The following COPRS variants were observed in gnomAD, a reference collection of about 807,000 sequenced individuals.
COPRS encodes the protein coordinator of PRMT5 and differentiation stimulator, also known as cooperator of PRMT5.
Under a neutral mutation model 19.9 loss-of-function variants are expected in COPRS, and 11 were observed. That is an observed-to-expected ratio of 0.55 (90% confidence interval 0.35 to 0.92). The LOEUF is 0.92. COPRS is among the 40% of genes least tolerant of loss of function. The probability of loss-of-function intolerance (pLI) is 0.01; values close to 1 mark genes in which losing one functional copy is unlikely to be tolerated. For synonymous variants in COPRS, 81 were observed against 82.7 expected, an observed-to-expected ratio of 0.98 and a Z score of 0.11; for missense variants, 225 against 229.9, an observed-to-expected ratio of 0.98 and a Z score of 0.14.
intron 2 of COPRS, chr17:31,856,427 T>C (rs193109233): frequency 2.0e-5 from 5 of 248,620 alleles, no homozygotes; most frequent in Admixed American, 1.8e-4. Flanking sequence ...TAATCACATA[T>C]GCATAATTTA....
rs562942713 is a variant in COPRS at position 31,858,459 on chromosome 17, G to A, written c.99+642C>T. 1.5e-5 allele frequency: 14 copies of A among 963,776 alleles called. No individual in the cohort carries two copies. In the African/African-American group the frequency reaches 2.3e-4, roughly 16 times the overall value. The allele number at this position is 963,776 out of a possible 1,614,324, so 59.7% of individuals were successfully genotyped here. On this transcript the variant is annotated intron_variant, in intron 1 of 3. Transcript: ENST00000302362. ...GGCACTATGCTAGGCTGTGCAAACA[G>A]CCCTAACAGAGGGTTCCTACCTTCA...
intron 2 of COPRS, among the ~76,000 whole-genome samples, chr17:31,855,286 C>T (rs1183196192): frequency 6.6e-6 from 1 of 151,864 alleles, no homozygotes; most frequent in East Asian, 1.9e-4. Flanking sequence ...CCAAGGAGGG[C>T]AGATCACGAG....
Position 31,859,175 on chromosome 17 carries a change from G to T in COPRS, c.25C>A (p.Gln9Lys). ...GACGGCTCCGCGGCCCCCTGCGCCTGGGCCCCGGCGGCCTGAAGGTCCATG... is the reference window on the plus strand; with the variant it reads ...GACGGCTCCGCGGCCCCCTGCGCCTTGGCCCCGGCGGCCTGAAGGTCCATG... MDLQAAGAQAQGAAEPSRG... is the reference protein window; with the variant it reads MDLQAAGAKAQGAAEPSRG... The change falls in exon 1 of 4, where the codon CAG becomes AAG. Residue 9 changes from glutamine to lysine, a missense_variant. Gln to Lys is a moderately conservative substitution (Grantham distance 53). Around this residue, in one of 3 missense-constraint regions of COPRS, gnomAD observed 51 missense variants for 39.2 expected, o/e 1.30. Transcript: ENST00000302362. 9.4e-7 allele frequency: 1 copy of T among 1,062,500 alleles called. No homozygotes were observed. The highest frequency in any genetic ancestry group is 1.1e-6 in the Non-Finnish European group (1 of 880,524). The allele number at this position is 1,062,500 out of a possible 1,614,324, so 65.8% of individuals were successfully genotyped here. A position where few individuals can be genotyped will look rare whatever the true frequency, so the allele number is the denominator to read the frequency against.
intron 2 of COPRS, 190 bp downstream of exon 2, chr17:31,856,609 A>C (rs1909362045): frequency 1.5e-6 from 1 of 651,426 alleles, no homozygotes; most frequent in East Asian, 2.8e-5. Flanking sequence ...TTTGAACATA[A>C]GAAAAGTTCA....
At chr17:31,855,868 T>C (rs1379163145) in intron 2 of COPRS, among the ~76,000 whole-genome samples, 2 of 150,366 alleles carry the variant, frequency 1.3e-5, no homozygotes, top group African/African-American at 4.9e-5. Context: ...TGGTGGCATA[T>C]GCCTGTAATC....
intron 1 of COPRS, among the ~76,000 whole-genome samples, chr17:31,857,983 AAGG>A (rs1001378027): frequency 6.6e-6 from 1 of 152,096 alleles, no homozygotes; most frequent in Admixed American, 6.6e-5. Context: ...ACTGCCGCCC[AAGG>A]AGAAGTCAGA....
intron 1 of COPRS, chr17:31,858,489 G>A: frequency 9.4e-6 from 7 of 746,552 alleles, no homozygotes; most frequent in Non-Finnish European, 1.1e-5. Flanking sequence ...CCTTCAAGCC[G>A]CTCAGCACCT....
chr17:31,858,973 G>A, intron 1 of COPRS, 128 bp downstream of exon 1: 1 of 1,364,884 alleles, frequency 7.3e-7, no homozygotes, highest in Non-Finnish European at 9.4e-7. Context: ...AGCGCTCCGT[G>A]TCGCGGGGCG....
At chr17:31,858,676 G>A in intron 1 of COPRS, 1 of 1,385,086 alleles carries the variant, frequency 7.2e-7, no homozygotes, top group South Asian at 1.2e-5. Flanking sequence ...GACATCTGGG[G>A]CTCAGGGTTA....
At chr17:31,858,646 A>G in intron 1 of COPRS, 1 of 1,172,006 alleles carries the variant, frequency 8.5e-7, no homozygotes, top group Non-Finnish European at 1.2e-6. Flanking sequence ...TTCAGTAAGG[A>G]GAAGGGGGAG....
intron 2 of COPRS, 104 bp from the exon 3 acceptor site, chr17:31,853,134 GCA>G (rs1198680667): frequency 6.3e-6 from 5 of 792,786 alleles, no homozygotes; most frequent in South Asian, 1.5e-5. Context: ...TAAAACAAGT[GCA>G]CAGAGTCTTC....
intron 1 of COPRS, chr17:31,858,278 C>A (rs1909423278): frequency 1.3e-6 from 1 of 756,188 alleles, no homozygotes; most frequent in Non-Finnish European, 1.6e-6. Context: ...CACCTTGATC[C>A]TTTCCTGCTA....
Position 31,855,494 on chromosome 17 carries a change from G to A in COPRS, c.166+1305C>T, listed in dbSNP as rs574858882. Among the ~76,000 whole-genome samples the A allele has an allele frequency of 1.2e-3, 185 of 150,502 alleles. 1 individual carries two copies. Among genetic ancestry groups the A allele is most frequent in the African/African-American group, 4.4e-3 (177 of 40,372 alleles). ...TGCCTGGGAGACAGAGCGAGACTCC[G>A]TCTCAAAAAATAAATAAATAAATAA... On this transcript the variant is annotated intron_variant, in intron 2 of 3. Transcript: ENST00000302362.
At position 31,853,160 on chromosome 17, in the gene COPRS, C is replaced by G. The variant is rs190570677; in HGVS notation, c.167-130G>C. On this transcript the variant is annotated intron_variant, in intron 2 of 3. Coordinates refer to ENST00000302362, the MANE Select transcript of COPRS (RefSeq NM_018405.4). Reference sequence around the variant, plus strand: ...CACAGAGTCTTCTTTAGCCACCGAGCACTTTTTTAAAAATGCACTTCTTTG... The same window carrying G: ...CACAGAGTCTTCTTTAGCCACCGAGGACTTTTTTAAAAATGCACTTCTTTG... The G allele has an allele frequency of 1.0e-3, 727 of 705,704 alleles. 3 individuals carry two copies. The highest frequency in any genetic ancestry group is 1.0e-3 in the Non-Finnish European group (418 of 401,538). 43.7% of individuals were successfully genotyped at this position (705,704 alleles called of 1,614,324 possible).
In COPRS at chr17:31,852,224, G is replaced by A. The variant is rs781037374; in HGVS notation, c.470C>T (p.Pro157Leu). ...CAGTGGAGGCGGATGGTGCCAGCTG[G>A]GGTCATAGATCATGTCTCCTTGTGG... ...CAPQGDMIYD[P>L]SWHHPPPLIP... The change falls in exon 4 of 4, where the codon CCC becomes CTC. Residue 157 changes from proline (P) to leucine (L), a missense_variant. Around this residue, in one of 3 missense-constraint regions of COPRS, gnomAD observed 170 missense variants for 171.4 expected, o/e 0.99. Coordinates refer to ENST00000302362, the MANE Select transcript of COPRS (RefSeq NM_018405.4). 6.2e-7 allele frequency: 1 copy of A among 1,614,082 alleles called. No homozygotes were observed. Among genetic ancestry groups the A allele is most frequent in the Non-Finnish European group, 8.5e-7 (1 of 1,179,990 alleles).
Position 31,852,085 on chromosome 17 carries a change from AAAAG to A in COPRS, c.*50_*53del. On this transcript the variant is annotated 3_prime_UTR_variant, in exon 4 of 4. Transcript: ENST00000302362. ...TATGACTTTTCACCTCCAAGACAGG[AAAAG>A]AGATCTTGACGTGGAGGCCCGCCCA... is the stretch of plus-strand genomic sequence containing the variant. 1 of 1,605,748 alleles carries A rather than the reference AAAAG, an allele frequency of 6.2e-7. No homozygotes were observed. The highest frequency in any genetic ancestry group is 8.5e-7 in the Non-Finnish European group (1 of 1,174,428).
chr17:31,856,796 T>A lies in COPRS; in HGVS notation c.166+3A>T. On this transcript the variant is annotated splice_donor_region_variant and intron_variant, in intron 2 of 3. Coordinates refer to ENST00000302362, the MANE Select transcript of COPRS (RefSeq NM_018405.4). ...CCAACTTCCGTCTCTGCCATCTACT[T>A]GCCTAGTCGATCCATAGCCTTCTCA... 2 of 1,588,310 alleles carry A rather than the reference T, an allele frequency of 1.3e-6. No individual in the cohort carries two copies. Among genetic ancestry groups the A allele is most frequent in the Non-Finnish European group, 8.6e-7 (1 of 1,156,644 alleles).
chr17:31,858,853 AC>A, intron 1 of COPRS: 1 of 1,546,676 alleles, frequency 6.5e-7, no homozygotes, highest in Non-Finnish European at 8.7e-7. Flanking sequence ...CAGCGGGCGG[AC>A]AGCCGTCTCT....
In COPRS at chr17:31,859,108, C is replaced by A. The variant is rs1034880809; in HGVS notation, c.92G>T (p.Ser31Ile). The change falls in exon 1 of 4, where the codon AGC (serine) becomes ATC (isoleucine). Residue 31 changes from serine to isoleucine, a missense_variant. Around this residue, in one of 3 missense-constraint regions of COPRS, gnomAD observed 51 missense variants for 39.2 expected, o/e 1.30. Transcript: ENST00000302362. ...PLPSARGAPPSPEAGFATADH... is the reference protein window; with the variant it reads ...PLPSARGAPPIPEAGFATADH... ...CCCCCACGCGGCGCTCACCTCCGGG[C>A]TGGGGGGCGCCCCCCGCGCGCTAGG... 18 of 1,095,274 alleles carry A rather than the reference C, an allele frequency of 1.6e-5. No homozygotes were observed. Among genetic ancestry groups the A allele is most frequent in the Non-Finnish European group, 2.0e-5 (18 of 904,042 alleles). 67.8% of individuals were successfully genotyped at this position (1,095,274 alleles called of 1,614,324 possible).
Sources: gnomAD v4.1 joint callset for allele counts (sites outside exome capture counted in the v4.1 genomes callset) on GRCh38, gnomAD v4.1.1 for gene constraint, gnomAD v4.1.1 regional missense constraint, MANE v1.5 for transcripts, NCBI Gene and HGNC (gene_info 2026-07-23, HGNC 2026-07-21) for gene names.